OVGP1: variants seen among roughly 807,000 people sequenced by gnomAD.
OVGP1 encodes oviduct-specific glycoprotein.
A neutral mutation model predicts 48.2 loss-of-function variants in OVGP1; 26 were observed. That is an observed-to-expected ratio of 0.54 (90% confidence interval 0.40 to 0.75). The LOEUF (loss-of-function observed/expected upper bound fraction) is 0.75. Ranked by LOEUF, OVGP1 falls within the 30% of genes least tolerant of loss-of-function variation. The probability of loss-of-function intolerance (pLI) is 0.00; values close to 1 mark genes in which losing one functional copy is unlikely to be tolerated. For synonymous variants in OVGP1, 294 were observed against 305.7 expected (o/e 0.96, Z 0.40); for missense variants, 791 against 820.6 (o/e 0.96, Z 0.44).
At chr1:111,424,279 GT>G (rs1377004812) in intron 4 of OVGP1, among the ~76,000 whole-genome samples, 1 of 152,102 alleles carries the variant, frequency 6.6e-6, no homozygotes, top group African/African-American at 2.4e-5. Flanking sequence ...TCTTTTGTTC[GT>G]TTTTTGTTTG....
Position 111,415,487 on chromosome 1 carries a change from G to A in OVGP1, c.1157-143C>T, listed in dbSNP as rs1229296435. On this transcript the variant is annotated intron_variant, in intron 10 of 10. Coordinates refer to ENST00000369732, the MANE Select transcript of OVGP1 (RefSeq NM_002557.4). ...GTAAGATTTCATACTATACCTACTTGAGGACATAGATGAAATCCCACCACA... is the reference window on the plus strand; with the variant it reads ...GTAAGATTTCATACTATACCTACTTAAGGACATAGATGAAATCCCACCACA... The A allele has an allele frequency of 1.4e-5, 10 of 718,674 alleles. No homozygotes were observed. In the East Asian group the frequency reaches 1.6e-4, roughly 12 times the overall value. 44.5% of individuals were successfully genotyped at this position (718,674 alleles called of 1,614,324 possible).
rs1228303504 is a variant in OVGP1, at chr1:111,423,622, C to T, written c.404G>A (p.Gly135Asp). 6 of 1,614,004 alleles carry T rather than the reference C, an allele frequency of 3.7e-6. No individual in the cohort carries two copies. Among genetic ancestry groups the T allele is most frequent in the Non-Finnish European group, 5.1e-6 (6 of 1,179,994 alleles). The change falls in exon 5 of 11, where the codon GGT becomes GAT. Residue 135 changes from glycine to aspartate, a missense_variant. Gly to Asp is a moderately conservative substitution (Grantham distance 94). Transcript: ENST00000369732. ...AGGATATAAGAAGAAAAGGTCAAGA[C>T]CATCAAAGTCATGTGTCCTCAGAAG... ...ISLLRTHDFDGLDLFFLYPGL... is the reference protein window; with the variant it reads ...ISLLRTHDFDDLDLFFLYPGL...
rs1236379381 is a variant in OVGP1 at position 111,426,627 on chromosome 1, G to A, written c.70C>T (p.Leu24Phe). Residue 24 changes from leucine (L) to phenylalanine (F), a missense_variant, in exon 3 of 11, where the codon CTC (leucine) becomes TTC (phenylalanine). Physicochemically the swap from Leu to Phe is conservative, Grantham distance 22. Coordinates refer to ENST00000369732, the MANE Select transcript of OVGP1 (RefSeq NM_002557.4). ...GCCCAGTTGGTGAAATAACACACGA[G>A]TTTATGGGCAGCACCTGGTAAGGGA... ...LKHHDGAAHKLVCYFTNWAHS... is the reference protein window; with the variant it reads ...LKHHDGAAHKFVCYFTNWAHS... 3.7e-6 allele frequency: 6 copies of A among 1,613,842 alleles called. No individual in the cohort carries two copies. Among genetic ancestry groups the A allele is most frequent in the Non-Finnish European group, 4.2e-6 (5 of 1,179,940 alleles).
intron 8 of OVGP1, among the ~76,000 whole-genome samples, chr1:111,420,182 A>G (rs142312686): frequency 7.9e-5 from 12 of 152,338 alleles, no homozygotes; most frequent in African/African-American, 2.4e-4. Flanking sequence ...TCTTGAAGGC[A>G]GGGAGAACTA....
rs758370402 is a variant in OVGP1 at position 111,421,313 on chromosome 1, T to C, written c.866A>G (p.Lys289Arg). The C allele has an allele frequency of 6.8e-6, 11 of 1,612,530 alleles. No homozygotes were observed. In the East Asian group the frequency reaches 2.5e-4, roughly 36 times the overall value. ...CAAGAAGCCTTCTTGCTTGGTGTAC[T>C]TCCCTGGAGATGCTGGTCCGATCGC... is the stretch of plus-strand genomic sequence containing the variant. Reference protein sequence around the residue: ...ARAIGPASPGKYTKQEGFLAY... With the variant: ...ARAIGPASPGRYTKQEGFLAY... Residue 289 changes from lysine to arginine, a missense_variant, in exon 8 of 11, where the codon AAG (lysine) becomes AGG (arginine). Lys to Arg is a conservative substitution (Grantham distance 26, BLOSUM62 2). Transcript: ENST00000369732.
At position 111,415,226 on chromosome 1, in the gene OVGP1, G is replaced by T. The variant is rs372572309; in HGVS notation, c.1275C>A (p.Pro425=). 316 of 1,614,130 alleles carry T rather than the reference G, an allele frequency of 2.0e-4. No individual in the cohort carries two copies. The highest frequency in any genetic ancestry group is 2.4e-4 in the Non-Finnish European group (279 of 1,180,010). Residue 425 remains proline, a synonymous_variant, in exon 11 of 11, where the codon CCC becomes CCA. Coordinates refer to ENST00000369732, the MANE Select transcript of OVGP1 (RefSeq NM_002557.4). The stretch of plus-strand genomic sequence containing the variant: ...CAGTGACCCCAGCCTCTCCTCCTGG[G>T]GGCAAAATCTTACTATCAGTGGTCC... ...TAWTTDSKIL[P]PGGEAGVTEI... is the part of the protein sequence containing the mutation.
At chr1:111,423,106 T>A (rs1205187213) in intron 5 of OVGP1, 55 bp from the exon 6 acceptor site, 8 of 1,606,238 alleles carry the variant, frequency 5.0e-6, no homozygotes, top group Middle Eastern at 1.7e-4. Context: ...AGGCGGGGCC[T>A]GGGGGGAGTG....
In OVGP1 at chr1:111,416,429, C is replaced by A; in HGVS notation, c.1050G>T (p.Gly350=). ...TGTCCAATGTCCACACCATGGCCCC[C>A]CCAAAATGCTCTCGCCTTATAAACC... The part of the protein sequence containing the change: ...KAWFIRREHF[G]GAMVWTLDMD... Residue 350 remains glycine (G), a synonymous_variant, in exon 10 of 11, where the codon GGG becomes GGT. Transcript: ENST00000369732. 6.2e-7 allele frequency: 1 copy of A among 1,606,176 alleles called. No homozygotes were observed. The highest frequency in any genetic ancestry group is 1.7e-5 in the Admixed American group (1 of 58,738).
At position 111,421,268 on chromosome 1, in the gene OVGP1, C is replaced by T. The variant is rs1336156506; in HGVS notation, c.903+8G>A. 1 of 1,591,924 alleles carries T rather than the reference C, an allele frequency of 6.3e-7. No homozygotes were observed. The highest frequency in any genetic ancestry group is 8.5e-7 in the Non-Finnish European group (1 of 1,169,784). On this transcript the variant is annotated splice_region_variant and intron_variant, in intron 8 of 10. Transcript: ENST00000369732. Reference sequence around the variant, plus strand: ...TAACTGCTAGACAGAGACTGATATTCCCATCACCTCAAAATAAGCCAAGAA... The same window carrying T: ...TAACTGCTAGACAGAGACTGATATTTCCATCACCTCAAAATAAGCCAAGAA...
chr1:111,423,419 T>C (rs1652322750), intron 5 of OVGP1, 124 bp downstream of exon 5: 2 of 1,065,740 alleles, frequency 1.9e-6, no homozygotes, highest in Admixed American at 2.5e-5. Context: ...GGGTTCACAG[T>C]AAAAGAACAT....
rs781387792 is a variant in OVGP1, at chr1:111,423,618, A to C, written c.408T>G (p.Leu136=). The C allele has an allele frequency of 3.1e-6, 5 of 1,614,112 alleles. No homozygotes were observed. The highest frequency in any genetic ancestry group is 4.2e-6 in the Non-Finnish European group (5 of 1,180,038). Residue 136 remains leucine (L), a synonymous_variant, in exon 5 of 11, where the codon CTT becomes CTG. Coordinates refer to ENST00000369732, the MANE Select transcript of OVGP1 (RefSeq NM_002557.4). ...SLLRTHDFDG[L]DLFFLYPGLR... is the part of the protein sequence containing the mutation. Reference sequence around the variant, plus strand: ...GTCCAGGATATAAGAAGAAAAGGTCAAGACCATCAAAGTCATGTGTCCTCA... The same window carrying C: ...GTCCAGGATATAAGAAGAAAAGGTCCAGACCATCAAAGTCATGTGTCCTCA...
At chr1:111,422,783 C>T in intron 6 of OVGP1, 144 bp downstream of exon 6, 2 of 884,996 alleles carry the variant, frequency 2.3e-6, no homozygotes, top group Non-Finnish European at 3.6e-6. Context: ...CACCCATGCT[C>T]CTCAGTCCAG....
At chr1:111,422,408 A>G (rs1652294182) in intron 6 of OVGP1, among the ~76,000 whole-genome samples, 1 of 152,220 alleles carries the variant, frequency 6.6e-6, no homozygotes, top group Non-Finnish European at 1.5e-5. Context: ...TCAAAATTCT[A>G]GAAAATATAC....
chr1:111,422,810 A>G (rs1652302034), intron 6 of OVGP1, 117 bp downstream of exon 6: 1 of 1,195,710 alleles, frequency 8.4e-7, no homozygotes, highest in African/African-American at 1.5e-5. Context: ...ACTTGCACTG[A>G]CGTCAGGGCA....
chr1:111,426,468 G>T lies in OVGP1; in HGVS notation c.229C>A (p.Leu77Ile), dbSNP rs770885469. Residue 77 changes from leucine (L) to isoleucine (I), a missense_variant, in exon 3 of 11, where the codon CTC becomes ATC. Coordinates refer to ENST00000369732, the MANE Select transcript of OVGP1 (RefSeq NM_002557.4). ...VAKDLQDEKI[L>I]YPEFNKLKER... ...TTTAGTTTGTTGAACTCTGGGTAGA[G>T]AATTTTCTCATCCTGGAGATCCTTA... 16 of 1,614,010 alleles carry T rather than the reference G, an allele frequency of 9.9e-6. No homozygotes were observed. Among genetic ancestry groups the T allele is most frequent in the Non-Finnish European group, 1.4e-5 (16 of 1,180,016 alleles).
At chr1:111,423,788 T>A (rs1652331964) in intron 4 of OVGP1, 80 bp from the exon 5 acceptor site, 1 of 1,413,218 alleles carries the variant, frequency 7.1e-7, no homozygotes, top group Non-Finnish European at 9.8e-7. Context: ...CAAGCTTGGT[T>A]CCCTGTGGTG....
At chr1:111,423,197 T>C (rs1253471888) in intron 5 of OVGP1, 146 bp from the exon 6 acceptor site, 2 of 925,612 alleles carry the variant, frequency 2.2e-6, no homozygotes, top group East Asian at 2.6e-5. Context: ...TGCCACAGGC[T>C]CATGAGACAG....
rs1486301962 is a variant in OVGP1 at position 111,419,485 on chromosome 1, C to T, written c.1020+125G>A. The T allele has an allele frequency of 8.8e-6, 6 of 683,734 alleles. No homozygotes were observed. The East Asian group carries it at 1.5e-4, about 17-fold the overall frequency. 42.4% of individuals were successfully genotyped at this position (683,734 alleles called of 1,614,324 possible). A position where few individuals can be genotyped will look rare whatever the true frequency, so the allele number is the denominator to read the frequency against. On this transcript the variant is annotated intron_variant, in intron 9 of 10. Coordinates refer to ENST00000369732, the MANE Select transcript of OVGP1 (RefSeq NM_002557.4). ...ACTAAAATGTAGGCATGCCTGAAAC[C>T]CCTGGTCTAATCATCCTCACCTTTC... is the stretch of plus-strand genomic sequence containing the variant.
intron 8 of OVGP1, among the ~76,000 whole-genome samples, chr1:111,420,214 A>G (rs1411400039): frequency 6.6e-6 from 1 of 152,228 alleles, no homozygotes; most frequent in Non-Finnish European, 1.5e-5. Context: ...ATAATTAAGC[A>G]TTTGAGTGTC....
Sources: gnomAD v4.1 joint callset for allele counts (sites outside exome capture counted in the v4.1 genomes callset) on GRCh38, gnomAD v4.1.1 for gene constraint, MANE v1.5 for transcripts, NCBI Gene and HGNC (gene_info 2026-07-23, HGNC 2026-07-21) for gene names.